Variants in PDXDC1 observed in about 807,000 individuals in gnomAD.
The protein encoded by PDXDC1 is pyridoxal-dependent decarboxylase domain-containing protein 1.
In PDXDC1, 42 loss-of-function variants were observed where a neutral mutation model predicts 100.1. The observed-to-expected ratio is 0.42, with a 90% CI of 0.33 to 0.54. The LOEUF (loss-of-function observed/expected upper bound fraction) is 0.54, where lower values mean the gene tolerates loss of function less well. PDXDC1 is among the 20% of genes least tolerant of loss of function. The pLI, the probability that PDXDC1 is intolerant of heterozygous loss-of-function variation, is 0.10. For missense variants in PDXDC1, 636 were observed against 979.2 expected (o/e 0.65, Z 4.68); for synonymous variants, 260 against 371.7 (o/e 0.70, Z 3.46).
At chr16:15,134,011 C>T (rs2048232638) in intron 16 of PDXDC1, 10 of 1,445,984 alleles carry the variant, frequency 6.9e-6, no homozygotes, top group Non-Finnish European at 9.5e-6. Flanking sequence ...CCTGCGCTGC[C>T]CGTGGATGTG....
In PDXDC1 at chr16:15,034,523, C is replaced by T; in HGVS notation, c.1972C>T (p.Gln658Ter). ...TTGGTTTTCTCCGGTCCAGGCTTTA[C>T]AGAAGGGAAGAACTTTTAACTTGAC... ...LNWFSPVQAL[Q>*]KGRTFNLTAG... Residue 658 changes from glutamine to a stop codon, truncating the protein, a stop_gained, in exon 21 of 23, where the codon CAG becomes TAG. Coordinates refer to ENST00000396410, the MANE Select transcript of PDXDC1 (RefSeq NM_015027.4). LOFTEE classifies it high-confidence loss of function. 2.5e-6 allele frequency: 4 copies of T among 1,614,048 alleles called. No individual in the cohort carries two copies. Among genetic ancestry groups the T allele is most frequent in the Non-Finnish European group, 3.4e-6 (4 of 1,179,946 alleles).
At chr16:15,001,746 A>G in intron 3 of PDXDC1, 30 bp from the exon 4 acceptor site, 4 of 1,571,908 alleles carry the variant, frequency 2.5e-6, no homozygotes, top group East Asian at 4.7e-5. Flanking sequence ...TGCTGTTCCC[A>G]TCAGCCCATC....
At position 14,988,958 on chromosome 16, in the gene PDXDC1, G is replaced by T. The variant is rs573738552; in HGVS notation, c.22-8795G>T. On this transcript the variant is annotated intron_variant, in intron 1 of 22. Coordinates refer to ENST00000396410, the MANE Select transcript of PDXDC1 (RefSeq NM_015027.4). ...TCTCGGCGTGCATGGTGGCGTGCCC[G>T]CTGAAGCGGTGATCTTCATAGTTGA... 7 of 1,613,976 alleles carry T rather than the reference G, an allele frequency of 4.3e-6. No homozygotes were observed. In the East Asian group the frequency reaches 1.6e-4, roughly 36 times the overall value.
chr16:15,064,283 C>T (rs2044856953), intron 16 of PDXDC1, among the ~76,000 whole-genome samples: 1 of 152,032 alleles, frequency 6.6e-6, no homozygotes, highest in East Asian at 1.9e-4. Context: ...TCAAGAGATT[C>T]TCCTGCCTCA....
intron 16 of PDXDC1, chr16:15,055,964 A>G: frequency 8.2e-7 from 1 of 1,225,942 alleles, no homozygotes; most frequent in Non-Finnish European, 1.0e-6. Context: ...CTCGACGAGC[A>G]GCGGCATCGC....
intron 16 of PDXDC1, chr16:15,133,717 C>T (rs2048216643): frequency 1.9e-6 from 3 of 1,605,392 alleles, no homozygotes; most frequent in East Asian, 2.2e-5. Flanking sequence ...AGGGACGGTC[C>T]CCATGGCATC....
chr16:15,125,528 G>C (rs568224312), intron 16 of PDXDC1: 5 of 1,563,664 alleles, frequency 3.2e-6, no homozygotes, highest in South Asian at 2.2e-5. Flanking sequence ...ACCAGGGCTC[G>C]AGGTTTCTCT....
At chr16:15,143,144 G>A (rs570128781), downstream of PDXDC1, among the ~76,000 whole-genome samples, 3 of 152,280 alleles carry the variant, frequency 2.0e-5, no homozygotes, top group South Asian at 4.1e-4. Flanking sequence ...CCCCAGCGCC[G>A]AGCGTCCGAT....
chr16:14,992,274 C>G (rs1175450628), intron 1 of PDXDC1, among the ~76,000 whole-genome samples: 3 of 152,270 alleles, frequency 2.0e-5, no homozygotes, highest in African/African-American at 7.2e-5. Context: ...GTGGCTTTAT[C>G]TGTAAAGGCT....
At chr16:15,133,863 C>T (rs1183167658) in intron 16 of PDXDC1, 41 of 1,558,650 alleles carry the variant, frequency 2.6e-5, no homozygotes, top group South Asian at 6.9e-5. Flanking sequence ...GCGGCAAGAG[C>T]CCCCCAGCGG....
chr16:14,984,090 G>C (rs1483314260), intron 1 of PDXDC1, among the ~76,000 whole-genome samples: 1 of 152,232 alleles, frequency 6.6e-6, no homozygotes, highest in Non-Finnish European at 1.5e-5. Flanking sequence ...TTGAGCCCAG[G>C]AGGGTGAGGC....
intron 16 of PDXDC1, chr16:15,047,976 A>T (rs2044143890): frequency 1.4e-5 from 22 of 1,605,214 alleles, no homozygotes; most frequent in Non-Finnish European, 1.9e-5. Context: ...ATAACGCCCA[A>T]TTCACTGCTT....
chr16:14,995,124 C>T (rs1971678782), intron 1 of PDXDC1, among the ~76,000 whole-genome samples: 1 of 152,288 alleles, frequency 6.6e-6, no homozygotes, highest in South Asian at 2.1e-4. Flanking sequence ...TAATTGAATA[C>T]CCTTTATTTC....
chr16:15,134,062 G>C, intron 16 of PDXDC1: 1 of 1,571,458 alleles, frequency 6.4e-7, no homozygotes. Flanking sequence ...CTGAACGTAC[G>C]TGCAGCCCAC....
chr16:15,054,400 AT>A (rs906120205), intron 16 of PDXDC1, among the ~76,000 whole-genome samples: 20 of 152,294 alleles, frequency 1.3e-4, no homozygotes, highest in African/African-American at 4.8e-4. Context: ...CGGGACACCC[AT>A]CTAACTTTCT....
chr16:15,141,907 C>A (rs1476114400), downstream of PDXDC1, among the ~76,000 whole-genome samples: 2 of 152,180 alleles, frequency 1.3e-5, no homozygotes, highest in Non-Finnish European at 2.9e-5. Context: ...AGGGACTTTT[C>A]AGCGGCTGCG....
intron 16 of PDXDC1, among the ~76,000 whole-genome samples, chr16:15,093,455 G>A (rs2046221110): frequency 6.6e-6 from 1 of 152,102 alleles, no homozygotes; most frequent in Admixed American, 6.5e-5. Flanking sequence ...CCTATGTACT[G>A]CCTTTCCCCC....
At chr16:15,065,493 A>G in intron 16 of PDXDC1, 3 of 717,676 alleles carry the variant, frequency 4.2e-6, no homozygotes, top group Non-Finnish European at 6.8e-6. Flanking sequence ...AACAAGTGCT[A>G]GTAAAAATAA....
intron 16 of PDXDC1, chr16:15,044,605 G>A (rs1473416634): frequency 6.7e-6 from 4 of 594,586 alleles, no homozygotes; most frequent in East Asian, 2.8e-5. Context: ...ACCCTGCCCA[G>A]GGGCCCTGAT....
Sources: allele counts gnomAD v4.1 joint callset (sites outside exome capture counted in the v4.1 genomes callset), GRCh38; gene constraint gnomAD v4.1.1; transcripts MANE v1.5; gene names NCBI Gene and HGNC (gene_info 2026-07-23, HGNC 2026-07-21).